The following ZNF544 variants were observed in gnomAD, a reference collection of about 807,000 sequenced individuals.
The protein encoded by ZNF544 is zinc finger protein AF020591.
Under a neutral mutation model 13.5 loss-of-function variants are expected in ZNF544, and 10 were observed. The observed-to-expected ratio is 0.74, with a 90% CI of 0.46 to 1.25. The LOEUF is 1.25. Among genes scored for constraint, ZNF544 ranks in the 50% most tolerant of loss-of-function variants. The pLI, the probability that ZNF544 is intolerant of heterozygous loss-of-function variation, is 0.00. For missense variants in ZNF544, 896 were observed against 845.6 expected, an observed-to-expected ratio of 1.06 and a Z score of -0.74; for synonymous variants, 323 against 300.5, an observed-to-expected ratio of 1.07 and a Z score of -0.77.
chr19:58,272,996 A>T (rs937365319), intron 5 of ZNF544, among the ~76,000 whole-genome samples: 2 of 152,036 alleles, frequency 1.3e-5, no homozygotes, highest in African/African-American at 4.8e-5. Flanking sequence ...ATCCTGGCTA[A>T]CATGGTGAAA....
intron 6 of ZNF544, chr19:58,259,142 T>A (rs564045201): frequency 6.6e-6 from 1 of 152,276 alleles, no homozygotes; most frequent in Admixed American, 6.5e-5. Flanking sequence ...AGGACCTGTC[T>A]GAAGTGGCAA....
Position 58,262,461 on chromosome 19 carries a change from C to A in ZNF544, c.1855C>A (p.Leu619Ile). ...CGKAFNRSTQ[L>I]IRHLQIHTGE... ...AAAAGCCTTCAATCGAAGCACTCAGCTCATCAGGCATCTGCAAATTCACAC... is the reference window on the plus strand; with the variant it reads ...AAAAGCCTTCAATCGAAGCACTCAGATCATCAGGCATCTGCAAATTCACAC... Residue 619 changes from leucine (L) to isoleucine (I), a missense_variant, in exon 7 of 7, where the codon CTC becomes ATC. Physicochemically the swap from Leu to Ile is conservative, Grantham distance 5. Coordinates refer to ENST00000687789, the MANE Select transcript of ZNF544 (RefSeq NM_014480.4). The A allele has an allele frequency of 1.2e-6, 2 of 1,614,192 alleles. No homozygotes were observed. Among genetic ancestry groups the A allele is most frequent in the South Asian group, 2.2e-5 (2 of 91,084 alleles).
intron 5 of ZNF544, among the ~76,000 whole-genome samples, chr19:58,273,949 C>G (rs1204802689): frequency 6.6e-6 from 1 of 151,786 alleles, no homozygotes; most frequent in Non-Finnish European, 1.5e-5. Flanking sequence ...GCGCATGCCA[C>G]CACACCCGGC....
Position 58,262,499 on chromosome 19 carries a change from G to A in ZNF544, c.1893G>A (p.Pro631=), listed in dbSNP as rs771793052. 22 of 1,614,066 alleles carry A rather than the reference G, an allele frequency of 1.4e-5. No individual in the cohort carries two copies. In the East Asian group the frequency reaches 2.0e-4, roughly 15 times the overall value. Residue 631 remains proline, a synonymous_variant, in exon 7 of 7, where the codon CCG becomes CCA. Transcript: ENST00000687789. ...TGCAAATTCACACTGGGGAGAAGCC[G>A]TACAAATGCAATCAGTGCAATAAAG... ...RHLQIHTGEK[P]YKCNQCNKAF... is the part of the protein sequence containing the mutation.
At chr19:58,249,129 T>G (rs1302760288) in intron 6 of ZNF544, among the ~76,000 whole-genome samples, 1 of 152,164 alleles carries the variant, frequency 6.6e-6, no homozygotes, top group East Asian at 1.9e-4. Flanking sequence ...ATGGAAAGTT[T>G]GGGTTTTCCT....
intron 6 of ZNF544, among the ~76,000 whole-genome samples, chr19:58,247,081 GTATGTATTTATT>G (rs1049608803): frequency 5.3e-5 from 8 of 151,556 alleles, no homozygotes; most frequent in African/African-American, 1.9e-4. Flanking sequence ...TTTAATTAAT[GTATGTATTTATT>G]TATTTATTTT....
intron 3 of ZNF544, among the ~76,000 whole-genome samples, chr19:58,243,171 TGCA>T (rs1319502424): frequency 6.6e-6 from 1 of 152,056 alleles, no homozygotes; most frequent in East Asian, 1.9e-4. Context: ...GAAAGCATTG[TGCA>T]AATGAAAGGC....
At chr19:58,252,046 C>T (rs2046375382) in intron 6 of ZNF544, among the ~76,000 whole-genome samples, 1 of 152,170 alleles carries the variant, frequency 6.6e-6, no homozygotes, top group Non-Finnish European at 1.5e-5. Context: ...GTAGGGTACA[C>T]TTCAACCCAG....
At position 58,262,124 on chromosome 19, in the gene ZNF544, C is replaced by A. The variant is rs763139605; in HGVS notation, c.1518C>A (p.Asp506Glu). The A allele has an allele frequency of 6.2e-7, 1 of 1,612,182 alleles. No individual in the cohort carries two copies. The highest frequency in any genetic ancestry group is 1.1e-5 in the South Asian group (1 of 91,008). The change falls in exon 7 of 7, where the codon GAC (aspartate) becomes GAA (glutamate). Residue 506 changes from aspartate (D) to glutamate (E), a missense_variant. Asp to Glu is a conservative substitution (Grantham distance 45). Coordinates refer to ENST00000687789, the MANE Select transcript of ZNF544 (RefSeq NM_014480.4). ...GGAAATCTTTCAGCCAGAAGTATGA[C>A]CTTGTTGTACATCAGAGGACACACA... is the stretch of plus-strand genomic sequence containing the variant. ...QCGKSFSQKY[D>E]LVVHQRTHTG...
rs202197481 is a variant in ZNF544 at position 58,261,877 on chromosome 19, T to A, written c.1271T>A (p.Ile424Asn). 1.2e-6 allele frequency: 2 copies of A among 1,612,896 alleles called. No individual in the cohort carries two copies. The highest frequency in any genetic ancestry group is 1.7e-6 in the Non-Finnish European group (2 of 1,179,834). ...TCCTTCACCCAGAGATCCAAACTTA[T>A]TACACATCAGCGAATTCACACTGGA... is the stretch of plus-strand genomic sequence containing the variant. ...GKSFTQRSKL[I>N]THQRIHTGEK... The change falls in exon 7 of 7, where the codon ATT becomes AAT. Residue 424 changes from isoleucine (I) to asparagine (N), a missense_variant. Transcript: ENST00000687789.
chr19:58,235,152 A>T (rs1221952731), intron 3 of ZNF544, among the ~76,000 whole-genome samples: 1 of 152,250 alleles, frequency 6.6e-6, no homozygotes, highest in Admixed American at 6.5e-5. Context: ...TTATAGTCTA[A>T]TACACATACA....
chr19:58,235,702 A>G (rs1207440168), intron 3 of ZNF544, among the ~76,000 whole-genome samples: 1 of 152,238 alleles, frequency 6.6e-6, no homozygotes, highest in Non-Finnish European at 1.5e-5. Context: ...TGTACATGAC[A>G]AATATATACA....
At position 58,261,592 on chromosome 19, in the gene ZNF544, A is replaced by G; in HGVS notation, c.986A>G (p.Glu329Gly). 6.2e-7 allele frequency: 1 copy of G among 1,614,212 alleles called. No homozygotes were observed. Among genetic ancestry groups the G allele is most frequent in the Non-Finnish European group, 8.5e-7 (1 of 1,180,032 alleles). ...SGPGETPFRC[E>G]ERCAAFPMAS... ...CCTGGAGAGACCCCCTTCAGATGTGAGGAACGCTGTGCTGCCTTCCCCATG... is the reference window on the plus strand; with the variant it reads ...CCTGGAGAGACCCCCTTCAGATGTGGGGAACGCTGTGCTGCCTTCCCCATG... The change falls in exon 7 of 7, where the codon GAG becomes GGG. Residue 329 changes from glutamate to glycine, a missense_variant. Coordinates refer to ENST00000687789, the MANE Select transcript of ZNF544 (RefSeq NM_014480.4).
intron 6 of ZNF544, among the ~76,000 whole-genome samples, chr19:58,248,776 A>G (rs950728275): frequency 3.9e-5 from 6 of 152,216 alleles, no homozygotes; most frequent in Non-Finnish European, 7.3e-5. Flanking sequence ...CAAAAAAAGC[A>G]TAGATTTATC....
intron 5 of ZNF544, among the ~76,000 whole-genome samples, chr19:58,275,369 C>T (rs1172444482): frequency 1.3e-5 from 2 of 152,072 alleles, no homozygotes; most frequent in East Asian, 1.9e-4. Context: ...AAAAAGCCAA[C>T]ATCTCATTAT....
chr19:58,232,765 T>TAAA (rs529610316), intron 3 of ZNF544, among the ~76,000 whole-genome samples: 8 of 108,156 alleles, frequency 7.4e-5, no homozygotes, highest in African/African-American at 1.3e-4. Flanking sequence ...CCGTCTCTAC[T>TAAA]AAAAAAAAAA....
rs202213273 is a variant in ZNF544 at position 58,270,304 on chromosome 19, C to CTTTTT, written c.245-6014_245-6010dup. On this transcript the variant is annotated intron_variant, in intron 5 of 6. Coordinates refer to the ZNF544 transcript ENST00000595981. ...CTGTGACGTGAACCCTAGGTATTGG[C>CTTTTT]TTTTTTTTTCTTTTTTTTTGAGAAG... Among the ~76,000 whole-genome samples the CTTTTT allele has an allele frequency of 1.5e-4, 20 of 136,406 alleles. 4 individuals are homozygous for CTTTTT. The highest frequency in any genetic ancestry group is 1.9e-4 in the African/African-American group (7 of 37,292). 89.5% of individuals were successfully genotyped at this position (136,406 alleles called of 152,430 possible).
At chr19:58,239,158 C>T (rs992810861) in intron 3 of ZNF544, among the ~76,000 whole-genome samples, 26 of 152,206 alleles carry the variant, frequency 1.7e-4, no homozygotes, top group African/African-American at 6.0e-4. Context: ...GAGTCCTGTG[C>T]CTGACACAGG....
intron 6 of ZNF544, among the ~76,000 whole-genome samples, chr19:58,247,883 C>T (rs910855772): frequency 7.2e-5 from 11 of 152,010 alleles, no homozygotes; most frequent in Admixed American, 2.0e-4. Context: ...TTGTATTGTA[C>T]ATCTGTTACA....
Sources: allele counts gnomAD v4.1 joint callset (sites outside exome capture counted in the v4.1 genomes callset), GRCh38; gene constraint gnomAD v4.1.1; transcripts MANE v1.5; gene names NCBI Gene and HGNC (gene_info 2026-07-23, HGNC 2026-07-21).